Variants in KCNMB3 observed in about 807,000 individuals in gnomAD.
The protein encoded by KCNMB3 is potassium calcium-activated channel subfamily M regulatory beta subunit 3.
KCNMB3 carries 18 observed loss-of-function variants against 11.9 expected under a neutral mutation model. The ratio of observed to expected loss-of-function variants is 1.51; its 90% CI spans 1.04 to 2.23. The LOEUF (loss-of-function observed/expected upper bound fraction) is 2.23. KCNMB3 is among the 30% of genes most tolerant of loss of function. The pLI, the probability that KCNMB3 is intolerant of heterozygous loss-of-function variation, is 0.00. For synonymous variants in KCNMB3, 78 were observed against 119.2 expected (o/e 0.65, Z 2.25); for missense variants, 247 against 329.4 (o/e 0.75, Z 1.94).
At chr3:179,239,749 C>G, downstream of KCNMB3, 2 of 390,750 alleles carry the variant, frequency 5.1e-6, no homozygotes, top group Non-Finnish European at 9.1e-6. Flanking sequence ...CCCTTTTGGC[C>G]CCATTAATTG....
exon 1 of KCNMB3, chr3:179,266,810 G>A (rs1305728410): frequency 8.6e-6 from 13 of 1,508,862 alleles, no homozygotes; most frequent in Non-Finnish European, 1.1e-5. Context: ...TGGAGTCCCA[G>A]CGGGAGCCCC....
At chr3:179,255,561 T>C (rs1725985623), upstream of KCNMB3, among the ~76,000 whole-genome samples, 1 of 152,096 alleles carries the variant, frequency 6.6e-6, no homozygotes, top group Admixed American at 6.5e-5. Context: ...ATGGAAAGTA[T>C]TAAAGAGAGG....
chr3:179,244,979 CTG>C (rs1441574342), intron 1 of KCNMB3, among the ~76,000 whole-genome samples: 1 of 152,174 alleles, frequency 6.6e-6, no homozygotes, highest in African/African-American at 2.4e-5. Flanking sequence ...TCAGAATCAT[CTG>C]TGAGTTTGTT....
At chr3:179,240,281 AT>A (rs1397872691), downstream of KCNMB3, 1 of 482,540 alleles carries the variant, frequency 2.1e-6, no homozygotes, top group Non-Finnish European at 3.7e-6. Context: ...TTAAAAGCCA[AT>A]TTTTCTACCC....
In KCNMB3 at chr3:179,244,540, T is replaced by C; in HGVS notation, c.402A>G (p.Lys134=). 1 of 1,614,180 alleles carries C rather than the reference T, an allele frequency of 6.2e-7. No homozygotes were observed. The highest frequency in any genetic ancestry group is 8.5e-7 in the Non-Finnish European group (1 of 1,180,030). Residue 134 remains lysine (K), a synonymous_variant, in exon 2 of 3, where the codon AAA becomes AAG. Coordinates refer to ENST00000392685, the MANE Select transcript of KCNMB3 (RefSeq NM_171830.2). ...VFVNLSHPGQ[K]ALLHYNEEAV... Reference sequence around the variant, plus strand: ...CCTCTTCATTATAATGTAGGAGAGCTTTCTGACCTGGATGGCTGAGGTTCA... The same window carrying C: ...CCTCTTCATTATAATGTAGGAGAGCCTTCTGACCTGGATGGCTGAGGTTCA...
Position 179,251,030 on chromosome 3 carries a change from G to A in KCNMB3, c.-40C>T, listed in dbSNP as rs770471995. 2 of 1,614,204 alleles carry A rather than the reference G, an allele frequency of 1.2e-6. No homozygotes were observed. The highest frequency in any genetic ancestry group is 2.2e-5 in the South Asian group (2 of 91,076). On this transcript the variant is annotated 5_prime_UTR_variant, in exon 1 of 3. Coordinates refer to ENST00000392685, the MANE Select transcript of KCNMB3 (RefSeq NM_171830.2). ...GACTGGAGGGATAATCTCATTTGCT[G>A]CCTACCTGTGTCTCGTGAGCAGGAT...
chr3:179,252,834 C>T (rs1464811143), upstream of KCNMB3, among the ~76,000 whole-genome samples: 1 of 151,282 alleles, frequency 6.6e-6, no homozygotes, highest in African/African-American at 2.4e-5. Flanking sequence ...CGGGTTCAAG[C>T]CATTCTCCTG....
chr3:179,247,581 C>A (rs768416039), intron 1 of KCNMB3, among the ~76,000 whole-genome samples: 2 of 152,118 alleles, frequency 1.3e-5, no homozygotes, highest in Non-Finnish European at 2.9e-5. Flanking sequence ...AACCGAGCTA[C>A]AAAGTTGCCT....
intron 1 of KCNMB3, among the ~76,000 whole-genome samples, chr3:179,263,800 C>CTTT (rs60270913): frequency 0.024 from 1,437 of 59,936 alleles, 147 homozygotes; most frequent in African/African-American, 0.091. Context: ...TTTTTCTTTT[C>CTTT]TTTTTTTTTT....
chr3:179,251,344 T>G (rs1266514390), upstream of KCNMB3: 55 of 1,439,430 alleles, frequency 3.8e-5, no homozygotes, highest in Non-Finnish European at 4.9e-5. Flanking sequence ...AAAGTTCACA[T>G]TTGGAATTAA....
upstream of KCNMB3, chr3:179,251,141 A>G (rs536742454): frequency 3.7e-6 from 6 of 1,614,064 alleles, no homozygotes; most frequent in South Asian, 3.3e-5. Context: ...AAGTATTTTT[A>G]AAGATATTGT....
intron 1 of KCNMB3, chr3:179,260,860 G>A (rs73188912): frequency 0.065 from 75,304 of 1,164,982 alleles, 3,113 homozygotes; most frequent in Non-Finnish European, 0.069. Context: ...TATCTTTCAG[G>A]GTGTCAACTT....
upstream of KCNMB3, chr3:179,251,167 G>A: frequency 6.2e-7 from 1 of 1,612,110 alleles, no homozygotes; most frequent in Non-Finnish European, 8.5e-7. Context: ...ACAAGCCTAA[G>A]AAATGTTGCC....
chr3:179,263,483 CCGAGGAGGCGCGGAGAG>C (rs1370723352), intron 1 of KCNMB3, among the ~76,000 whole-genome samples: 13 of 152,324 alleles, frequency 8.5e-5, no homozygotes, highest in Middle Eastern at 3.4e-3. Context: ...GGCGCCAAGG[CCGAGGAGGCGCGGAGAG>C]CGAGCGAGGG....
At chr3:179,261,349 C>G in intron 1 of KCNMB3, 1 of 1,161,054 alleles carries the variant, frequency 8.6e-7, no homozygotes, top group Non-Finnish European at 1.1e-6. Flanking sequence ...GCGGGCCGGG[C>G]CAGGGGGCGC....
chr3:179,263,796 T>TTTTC (rs1178906711), intron 1 of KCNMB3, among the ~76,000 whole-genome samples: 1 of 129,568 alleles, frequency 7.7e-6, no homozygotes, highest in African/African-American at 2.9e-5. Context: ...TTTCTTTTTC[T>TTTTC]TTTCTTTTTT....
intron 1 of KCNMB3, among the ~76,000 whole-genome samples, chr3:179,262,025 A>C (rs962643111): frequency 6.6e-6 from 1 of 152,242 alleles, no homozygotes; most frequent in African/African-American, 2.4e-5. Flanking sequence ...CACACGGAAA[A>C]TGTAACAATG....
chr3:179,242,742 T>G, downstream of KCNMB3: 1 of 1,130,622 alleles, frequency 8.8e-7, no homozygotes, highest in Non-Finnish European at 1.2e-6. Context: ...TTTATAGAAA[T>G]AAATAGAATA....
At chr3:179,261,195 G>C in intron 1 of KCNMB3, 1 of 1,349,570 alleles carries the variant, frequency 7.4e-7, no homozygotes, top group Non-Finnish European at 9.9e-7. Context: ...TTTGCGGCGA[G>C]CCGGGCCTCC....
Sources: gnomAD v4.1 joint callset for allele counts (sites outside exome capture counted in the v4.1 genomes callset) on GRCh38, gnomAD v4.1.1 for gene constraint, MANE v1.5 for transcripts, NCBI Gene and HGNC (gene_info 2026-07-23, HGNC 2026-07-21) for gene names.